CHRNA7: variants seen among roughly 807,000 people sequenced by gnomAD.
The protein encoded by CHRNA7 is cholinergic receptor nicotinic alpha 7 subunit.
CHRNA7 carries 17 observed loss-of-function variants against 48.0 expected under a neutral mutation model. That is an observed-to-expected ratio of 0.35 (90% CI 0.24 to 0.53). The LOEUF (loss-of-function observed/expected upper bound fraction) is 0.53, where lower values mean the gene tolerates loss of function less well. CHRNA7 is among the 20% of genes least tolerant of loss of function. The pLI is 0.92. For missense variants in CHRNA7, 155 were observed against 577.7 expected (o/e 0.27, Z 7.50); for synonymous variants, 75 against 242.3 (o/e 0.31, Z 6.41).
At chr15:32,116,320 A>G (rs2050871002) in intron 4 of CHRNA7, among the ~76,000 whole-genome samples, 1 of 152,166 alleles carries the variant, frequency 6.6e-6, no homozygotes, top group Non-Finnish European at 1.5e-5. Flanking sequence ...CATGCTTTAA[A>G]GTGGCTGGGT....
At chr15:32,047,678 G>A (rs922671451) in intron 2 of CHRNA7, among the ~76,000 whole-genome samples, 1 of 152,190 alleles carries the variant, frequency 6.6e-6, no homozygotes, top group South Asian at 2.1e-4. Context: ...TCTCCTGCCT[G>A]ATTGCTCCGG....
chr15:32,152,095 C>G (rs78174284), intron 4 of CHRNA7, among the ~76,000 whole-genome samples: 172 of 152,276 alleles, frequency 1.1e-3, no homozygotes, highest in African/African-American at 4.1e-3. Flanking sequence ...TGGTGAGACA[C>G]TTAGACACAG....
At chr15:32,056,288 T>G (rs913935876) in intron 2 of CHRNA7, among the ~76,000 whole-genome samples, 7 of 152,088 alleles carry the variant, frequency 4.6e-5, no homozygotes, top group African/African-American at 7.2e-5. Flanking sequence ...CATTGTTGTT[T>G]TAGTGAATTT....
At chr15:32,051,942 G>T (rs1244073820) in intron 2 of CHRNA7, among the ~76,000 whole-genome samples, 1 of 152,158 alleles carries the variant, frequency 6.6e-6, no homozygotes, top group Non-Finnish European at 1.5e-5. Context: ...CTCCCAAAGT[G>T]CTGGGATTGC....
Position 32,149,276 on chromosome 15 carries a change from C to T in CHRNA7, c.351-4631C>T, listed in dbSNP as rs1231227858. 1.3e-5 allele frequency among the ~76,000 whole-genome samples: 2 copies of T among 152,140 alleles called. No homozygotes were observed. Among genetic ancestry groups the T allele is most frequent in the Non-Finnish European group, 2.9e-5 (2 of 68,022 alleles). On this transcript the variant is annotated intron_variant, in intron 4 of 9. Coordinates refer to ENST00000306901, the MANE Select transcript of CHRNA7 (RefSeq NM_000746.6). This position sits in a 1 kb window ranked among gnomAD's most constrained non-coding sequence, Gnocchi z 4.6. ...GGAGAATGAATCCCTGCAGCCCTAC[C>T]CCTGTTTCCACGGTTATGGGTGTTT...
At chr15:32,074,666 A>ATTATTATTT (rs991862925) in intron 2 of CHRNA7, among the ~76,000 whole-genome samples, 3 of 107,390 alleles carry the variant, frequency 2.8e-5, no homozygotes, top group South Asian at 3.2e-4. Flanking sequence ...TATTATTATT[A>ATTATTATTT]TTTTTGAGAC....
Position 32,074,349 on chromosome 15 carries a change from T to TATAAC in CHRNA7, c.196-26940_196-26936dup, listed in dbSNP as rs963865798. Among the ~76,000 whole-genome samples the TATAAC allele has an allele frequency of 2.0e-4, 29 of 145,720 alleles. 2 individuals are homozygous for TATAAC. The highest frequency in any genetic ancestry group is 5.8e-4 in the African/African-American group (23 of 39,800). On this transcript the variant is annotated intron_variant, in intron 2 of 9. Coordinates refer to ENST00000306901, the MANE Select transcript of CHRNA7 (RefSeq NM_000746.6). ...CTGCACTGGCTAAAACTTCTAACAG[T>TATAAC]ATAACATAACATAACATAGTGTTAG... is the stretch of plus-strand genomic sequence containing the variant.
At chr15:32,071,521 G>C (rs1200398909) in intron 2 of CHRNA7, among the ~76,000 whole-genome samples, 1 of 152,174 alleles carries the variant, frequency 6.6e-6, no homozygotes, top group Non-Finnish European at 1.5e-5. Context: ...GTCCCCTCCA[G>C]ATCTCATGTT....
At chr15:32,095,639 C>T (rs1413333819) in intron 2 of CHRNA7, among the ~76,000 whole-genome samples, 2 of 152,180 alleles carry the variant, frequency 1.3e-5, no homozygotes, top group East Asian at 1.9e-4. Flanking sequence ...CTGTAGCCTC[C>T]GCAAACCTCT....
chr15:32,114,034 A>ATATATG (rs1883497317), intron 4 of CHRNA7, among the ~76,000 whole-genome samples: 1 of 94,254 alleles, frequency 1.1e-5, no homozygotes, highest in African/African-American at 4.1e-5. Flanking sequence ...ATATATATAT[A>ATATATG]TATATATATG....
In CHRNA7 at chr15:32,148,820, T is replaced by A. The variant is rs527563122; in HGVS notation, c.351-5087T>A. On this transcript the variant is annotated intron_variant, in intron 4 of 9. Transcript: ENST00000306901. ...CAGACCTTCCTGGAGCCTCCTTCGT[T>A]CTGGCTTATCTCCAAGTGTGTGATC... is the stretch of plus-strand genomic sequence containing the variant. Among the ~76,000 whole-genome samples, 5 of 152,338 alleles carry A rather than the reference T, an allele frequency of 3.3e-5. No individual in the cohort carries two copies. In the East Asian group the frequency reaches 7.7e-4, roughly 24 times the overall value.
rs140414919 is a variant in CHRNA7, at chr15:32,117,354, C to T, written c.350+5455C>T. On this transcript the variant is annotated intron_variant, in intron 4 of 9. Coordinates refer to ENST00000306901, the MANE Select transcript of CHRNA7 (RefSeq NM_000746.6). Reference sequence around the variant, plus strand: ...TCAGCTCCCTGGCACCTCTGGCTTGCCTGCCCCATGTGTGGATCAAGTGCA... The same window carrying T: ...TCAGCTCCCTGGCACCTCTGGCTTGTCTGCCCCATGTGTGGATCAAGTGCA... Among the ~76,000 whole-genome samples, 632 of 152,316 alleles carry T rather than the reference C, an allele frequency of 4.1e-3. 6 individuals are homozygous for T. Among genetic ancestry groups the T allele is most frequent in the African/African-American group, 0.015 (609 of 41,560 alleles).
Position 32,040,194 on chromosome 15 carries a change from T to A in CHRNA7, c.195+9157T>A, listed in dbSNP as rs78456533. On this transcript the variant is annotated intron_variant, in intron 2 of 9. Transcript: ENST00000306901. ...ACATACAGTTGGGTCTTGTTTTTTG[T>A]TCTACTCTTACAGTCTCTTTAAATT... 8.6e-3 allele frequency among the ~76,000 whole-genome samples: 1,310 copies of A among 152,208 alleles called. 24 individuals are homozygous for A. The highest frequency in any genetic ancestry group is 0.03 in the African/African-American group (1,249 of 41,572).
At chr15:32,108,178 G>T (rs1372902713) in intron 3 of CHRNA7, among the ~76,000 whole-genome samples, 1 of 151,948 alleles carries the variant, frequency 6.6e-6, no homozygotes, top group Non-Finnish European at 1.5e-5. Flanking sequence ...CACAAATAGG[G>T]CCCAGGTGCC....
intron 2 of CHRNA7, among the ~76,000 whole-genome samples, chr15:32,096,153 G>C (rs1839639751): frequency 6.6e-6 from 1 of 152,192 alleles, no homozygotes; most frequent in African/African-American, 2.4e-5. Context: ...TATTTTGCTG[G>C]ATTATTGTCG....
intron 2 of CHRNA7, among the ~76,000 whole-genome samples, chr15:32,093,343 A>G (rs918139641): frequency 6.6e-6 from 1 of 152,196 alleles, no homozygotes; most frequent in Non-Finnish European, 1.5e-5. Flanking sequence ...GCCCTTTCTC[A>G]TAGAAGGAAA....
intron 1 of CHRNA7, 86 bp from the exon 2 acceptor site, chr15:32,030,812 G>A (rs1159134967): frequency 1.3e-6 from 2 of 1,532,060 alleles, no homozygotes; most frequent in African/African-American, 2.8e-5. Context: ...GCACCGGGTG[G>A]GCGGCGGGGG....
At chr15:32,137,682 A>G (rs1455748865) in intron 4 of CHRNA7, among the ~76,000 whole-genome samples, 2 of 152,260 alleles carry the variant, frequency 1.3e-5, no homozygotes, top group Non-Finnish European at 2.9e-5. Flanking sequence ...GAAAATAAAT[A>G]TATGGAAAAC....
In CHRNA7 at chr15:32,138,579, C is replaced by A. The variant is rs1024033139; in HGVS notation, c.351-15328C>A. Among the ~76,000 whole-genome samples the A allele has an allele frequency of 2.0e-5, 3 of 151,724 alleles. No individual in the cohort carries two copies. The East Asian group carries it at 5.8e-4, about 29-fold the overall frequency. Reference sequence around the variant, plus strand: ...TTACATCAGGGTTCTCTCTTGGTGGCGTATGGGTTCTGTGGGTTTGCACAG... The same window carrying A: ...TTACATCAGGGTTCTCTCTTGGTGGAGTATGGGTTCTGTGGGTTTGCACAG... On this transcript the variant is annotated intron_variant, in intron 4 of 9. Transcript: ENST00000306901.
Sources: allele counts gnomAD v4.1 joint callset (sites outside exome capture counted in the v4.1 genomes callset), GRCh38; gene constraint gnomAD v4.1.1; non-coding constraint Gnocchi (gnomAD v3.1); transcripts MANE v1.5; gene names NCBI Gene and HGNC (gene_info 2026-07-23, HGNC 2026-07-21).